Variants in MSANTD1 observed in about 807,000 individuals in gnomAD.
MSANTD1 encodes the protein myb/SANT-like DNA-binding domain-containing protein 1.
In MSANTD1, 7 loss-of-function variants were observed where a neutral mutation model predicts 24.2. The observed-to-expected ratio is 0.29, with a 90% CI of 0.16 to 0.54. The LOEUF is 0.54. Ranked by LOEUF, MSANTD1 falls within the 20% of genes least tolerant of loss-of-function variation. The pLI, the probability that MSANTD1 is intolerant of heterozygous loss-of-function variation, is 0.94. For synonymous variants in MSANTD1, 177 were observed against 181.1 expected (o/e 0.98, Z 0.18); for missense variants, 384 against 408.2 (o/e 0.94, Z 0.51).
chr4:3,252,840 C>T (rs896382192), intron 1 of MSANTD1, among the ~76,000 whole-genome samples: 1 of 152,198 alleles, frequency 6.6e-6, no homozygotes, highest in Non-Finnish European at 1.5e-5. Context: ...TATTACTCTA[C>T]CTTTCAAAAT....
chr4:3,250,390 C>T (rs953792390), intron 1 of MSANTD1, among the ~76,000 whole-genome samples: 31 of 152,298 alleles, frequency 2.0e-4, no homozygotes, highest in African/African-American at 5.8e-4. Context: ...ACACACCCAG[C>T]ATCTTAAAGT....
chr4:3,253,618 A>G, intron 2 of MSANTD1, 136 bp downstream of exon 2: 3 of 919,150 alleles, frequency 3.3e-6, no homozygotes, highest in East Asian at 5.8e-5. Flanking sequence ...CAGCGCCTCC[A>G]GGGACAGGCG....
intron 1 of MSANTD1, among the ~76,000 whole-genome samples, chr4:3,252,351 C>A (rs1200656206): frequency 2.6e-5 from 4 of 152,238 alleles, no homozygotes; most frequent in Non-Finnish European, 5.9e-5. Context: ...CCTCTCAGGG[C>A]AGGACCTGTC....
upstream of MSANTD1, among the ~76,000 whole-genome samples, chr4:3,246,172 AG>A (rs1393393260): frequency 6.6e-6 from 1 of 151,896 alleles, no homozygotes; most frequent in Non-Finnish European, 1.5e-5. Context: ...GAGCCTGCCC[AG>A]GGGCCCCCCG....
At chr4:3,246,492 G>C, upstream of MSANTD1, 1 of 511,968 alleles carries the variant, frequency 2.0e-6, no homozygotes, top group Non-Finnish European at 3.5e-6. Flanking sequence ...GGCCTAGGGA[G>C]CATGCTTCTA....
At position 3,249,221 on chromosome 4, in the gene MSANTD1, C is replaced by T; in HGVS notation, c.-2C>T. ...AGCGAGCGTGAGCGGCGCCTCCCGC[C>T]CATGGTGCGTGGGGCCGGGCCGGGG... On this transcript the variant is annotated 5_prime_UTR_variant, in exon 1 of 3. Transcript: ENST00000438480. 4.3e-6 allele frequency: 6 copies of T among 1,397,034 alleles called. No individual in the cohort carries two copies. Among genetic ancestry groups the T allele is most frequent in the Non-Finnish European group, 5.6e-6 (6 of 1,077,772 alleles). The allele number at this position is 1,397,034 out of a possible 1,614,324, so 86.5% of individuals were successfully genotyped here.
chr4:3,255,390 A>G (rs900662282), intron 2 of MSANTD1, among the ~76,000 whole-genome samples: 1 of 151,866 alleles, frequency 6.6e-6, no homozygotes. Flanking sequence ...CGCCTGGCTA[A>G]TTTTTGTATT....
intron 1 of MSANTD1, among the ~76,000 whole-genome samples, chr4:3,251,693 CT>C (rs59741098): frequency 0.023 from 3,223 of 137,242 alleles, 49 homozygotes; most frequent in African/African-American, 0.046. Flanking sequence ...TTTTCTTTTT[CT>C]TTTTTTTTTT....
upstream of MSANTD1, chr4:3,246,717 G>A: frequency 1.5e-6 from 1 of 677,648 alleles, no homozygotes; most frequent in Non-Finnish European, 2.7e-6. Flanking sequence ...ACCCTCCCAG[G>A]CAGGAGCAGC....
At chr4:3,253,779 G>A (rs1466182463) in intron 2 of MSANTD1, among the ~76,000 whole-genome samples, 1 of 152,172 alleles carries the variant, frequency 6.6e-6, no homozygotes, top group South Asian at 2.1e-4. Context: ...TTTCTCAGAG[G>A]GTGGCTGGGA....
rs1405686431 is a variant in MSANTD1, at chr4:3,256,080, C to G, written c.*115C>G. 44 of 1,290,920 alleles carry G rather than the reference C, an allele frequency of 3.4e-5. No homozygotes were observed. Among genetic ancestry groups the G allele is most frequent in the Non-Finnish European group, 4.4e-5 (44 of 989,210 alleles). The allele number at this position is 1,290,920 out of a possible 1,614,324, so 80.0% of individuals were successfully genotyped here. ...GGGCCGCCCCGCGAGCGGAGACCGC[C>G]TTCCACCTGGCCTCTGGCAGGATGT... On this transcript the variant is annotated 3_prime_UTR_variant, in exon 3 of 3. Coordinates refer to ENST00000438480, the MANE Select transcript of MSANTD1 (RefSeq NM_001042690.2).
chr4:3,246,071 C>T (rs370681897), upstream of MSANTD1, among the ~76,000 whole-genome samples: 1 of 152,222 alleles, frequency 6.6e-6, no homozygotes, highest in Non-Finnish European at 1.5e-5. Context: ...ACAGCCCACC[C>T]GCCCAACCTT....
In MSANTD1 at chr4:3,249,260, C is replaced by G; in HGVS notation, c.38C>G (p.Ala13Gly). The change falls in exon 1 of 3, where the codon GCG becomes GGG. Residue 13 changes from alanine (A) to glycine (G), a missense_variant. Ala to Gly is a moderately conservative substitution (Grantham distance 60). Transcript: ENST00000438480. ...GCCGGGCCGGGGCCCTCGCTGAGCG[C>G]GCTCTCTCACCCCACAGGCGCCTCC... ...RGAGPGPSLS[A>G]LSHPTGASGM... The G allele has an allele frequency of 1.4e-6, 2 of 1,480,506 alleles. No individual in the cohort carries two copies. Among genetic ancestry groups the G allele is most frequent in the East Asian group, 5.0e-5 (2 of 40,104 alleles). The allele number at this position is 1,480,506 out of a possible 1,614,324, so 91.7% of individuals were successfully genotyped here.
rs1423436734 is a variant in MSANTD1, at chr4:3,253,401, C to T, written c.515C>T (p.Pro172Leu). The change falls in exon 2 of 3, where the codon CCG (proline) becomes CTG (leucine). Residue 172 changes from proline to leucine, a missense_variant. By Grantham distance (98) the Pro-to-Leu change is moderately conservative. Transcript: ENST00000438480. ...GCTAAGTCCACCCCTCTGTACTTCC[C>T]GTATAACCAGTGCTCCTACGAAGGC... Reference protein sequence around the residue: ...PPAKSTPLYFPYNQCSYEGRF... With the variant: ...PPAKSTPLYFLYNQCSYEGRF... 4.1e-5 allele frequency: 66 copies of T among 1,604,698 alleles called. No homozygotes were observed. Among genetic ancestry groups the T allele is most frequent in the Non-Finnish European group, 5.4e-5 (63 of 1,175,236 alleles).
rs763497171 is a variant in MSANTD1, at chr4:3,253,230, G to T, written c.344G>T (p.Ser115Ile). 6.4e-7 allele frequency: 1 copy of T among 1,570,616 alleles called. No individual in the cohort carries two copies. The highest frequency in any genetic ancestry group is 2.3e-5 in the East Asian group (1 of 43,128). Residue 115 changes from serine to isoleucine, a missense_variant, in exon 2 of 3, where the codon AGC becomes ATC. By Grantham distance (142) the Ser-to-Ile change is moderately radical (BLOSUM62 -2). Coordinates refer to ENST00000438480, the MANE Select transcript of MSANTD1 (RefSeq NM_001042690.2). ...AGGAAATTAAAATGCATGACAGATA[G>T]CGAGTCCGCCCCGCCCGACTGGCCC... ...QYRKLKCMTD[S>I]ESAPPDWPYY...
At position 3,254,600 on chromosome 4, in the gene MSANTD1, G is replaced by A. The variant is rs138291910; in HGVS notation, c.596+1118G>A. Among the ~76,000 whole-genome samples, 143 of 152,358 alleles carry A rather than the reference G, an allele frequency of 9.4e-4. 1 individual carries two copies. The highest frequency in any genetic ancestry group is 3.2e-3 in the African/African-American group (135 of 41,588). The stretch of plus-strand genomic sequence containing the variant: ...CCAGGGATGAGCAGGCACTGGAGCA[G>A]GGCCCTGGGGTCTGTGGGTTTTGGC... On this transcript the variant is annotated intron_variant, in intron 2 of 2. Coordinates refer to ENST00000438480, the MANE Select transcript of MSANTD1 (RefSeq NM_001042690.2).
intron 1 of MSANTD1, among the ~76,000 whole-genome samples, chr4:3,250,598 A>T (rs940404760): frequency 6.6e-5 from 10 of 152,182 alleles, no homozygotes; most frequent in African/African-American, 2.4e-4. Flanking sequence ...CGAGGGTGGC[A>T]GCAAGAGCTG....
intron 2 of MSANTD1, 119 bp downstream of exon 2, chr4:3,253,601 C>T (rs945729862): frequency 2.7e-6 from 3 of 1,116,202 alleles, no homozygotes; most frequent in Admixed American, 3.0e-5. Context: ...GAGGCCGTGG[C>T]TGCGGGCAGC....
upstream of MSANTD1, chr4:3,246,702 T>G (rs1420989842): frequency 1.4e-6 from 1 of 691,584 alleles, no homozygotes; most frequent in Non-Finnish European, 2.6e-6. Context: ...GGGACAGATG[T>G]GGGGACCCTC....
Sources: allele counts gnomAD v4.1 joint callset (sites outside exome capture counted in the v4.1 genomes callset), GRCh38; gene constraint gnomAD v4.1.1; transcripts MANE v1.5; gene names NCBI Gene and HGNC (gene_info 2026-07-23, HGNC 2026-07-21).